SCFD2: variants seen among roughly 807,000 people sequenced by gnomAD.
The protein encoded by SCFD2 is sec1 family domain containing 2.
SCFD2 carries 54 observed loss-of-function variants against 58.9 expected under a neutral mutation model. The observed-to-expected ratio is 0.92, with a 90% confidence interval of 0.74 to 1.15. SCFD2 has a LOEUF of 1.15. Among genes scored for constraint, SCFD2 ranks in the 50% most tolerant of loss-of-function variants. SCFD2 has a pLI of 0.00. For missense variants in SCFD2, 805 were observed against 836.6 expected (o/e 0.96, Z 0.47); for synonymous variants, 321 against 335.9 (o/e 0.96, Z 0.49).
chr4:52,994,519 GC>G (rs1721695884), intron 5 of SCFD2, among the ~76,000 whole-genome samples: 1 of 152,124 alleles, frequency 6.6e-6, no homozygotes, highest in Non-Finnish European at 1.5e-5. Flanking sequence ...AGATCATCTG[GC>G]CCATTTGACA....
intron 4 of SCFD2, among the ~76,000 whole-genome samples, chr4:53,147,161 T>A (rs566067993): frequency 3.3e-5 from 5 of 152,238 alleles, no homozygotes; most frequent in African/African-American, 7.2e-5. Context: ...TCTAAAAAAA[T>A]TTTTTTTAAT....
chr4:53,174,092 G>A (rs1727258537), intron 4 of SCFD2, among the ~76,000 whole-genome samples: 1 of 151,864 alleles, frequency 6.6e-6, no homozygotes, highest in Admixed American at 6.6e-5. Context: ...CTCAAATACT[G>A]ACTTCAAATA....
intron 7 of SCFD2, among the ~76,000 whole-genome samples, chr4:52,887,896 CTTTTTTTTTTT>C (rs71195133): frequency 1.2e-5 from 1 of 81,646 alleles, no homozygotes; most frequent in Non-Finnish European, 2.2e-5. Context: ...ACATCTTATT[CTTTTTTTTTTT>C]TTTTTTTTTT....
intron 6 of SCFD2, 81 bp from the exon 7 acceptor site, chr4:52,907,672 C>G: frequency 1.5e-6 from 2 of 1,369,662 alleles, no homozygotes; most frequent in Admixed American, 1.7e-5. Context: ...ATGAAGAAAG[C>G]AAAGCAAGTT....
At chr4:53,255,787 G>A (rs1277887283) in intron 4 of SCFD2, among the ~76,000 whole-genome samples, 3 of 151,206 alleles carry the variant, frequency 2.0e-5, no homozygotes, top group Non-Finnish European at 3.0e-5. Context: ...CAGTAGGGGC[G>A]GCCGGGCAGA....
At chr4:52,896,103 T>G (rs1383732211) in intron 7 of SCFD2, among the ~76,000 whole-genome samples, 1 of 152,184 alleles carries the variant, frequency 6.6e-6, no homozygotes, top group Non-Finnish European at 1.5e-5. Flanking sequence ...TTTCTCCCAT[T>G]CTGTAGGTTG....
Position 53,359,322 on chromosome 4 carries a change from A to C in SCFD2, c.838+5782T>G, listed in dbSNP as rs866573789. Reference sequence around the variant, plus strand: ...AAAATATTTAGCATCTAATAACATAAATTAATATATAAATTAACGTCTAAA... The same window carrying C: ...AAAATATTTAGCATCTAATAACATACATTAATATATAAATTAACGTCTAAA... On this transcript the variant is annotated intron_variant, in intron 1 of 8. Coordinates refer to ENST00000401642, the MANE Select transcript of SCFD2 (RefSeq NM_152540.4). 2.5e-4 allele frequency among the ~76,000 whole-genome samples: 38 copies of C among 152,346 alleles called. 1 individual carries two copies. Among genetic ancestry groups the C allele is most frequent in the African/African-American group, 8.7e-4 (36 of 41,582 alleles).
intron 6 of SCFD2, among the ~76,000 whole-genome samples, chr4:52,907,809 C>T (rs1397104071): frequency 1.3e-5 from 2 of 151,902 alleles, no homozygotes; most frequent in Non-Finnish European, 2.9e-5. Flanking sequence ...CTTTAGCATG[C>T]TTTTCTGCTT....
intron 6 of SCFD2, among the ~76,000 whole-genome samples, chr4:52,911,857 G>C (rs1719494132): frequency 1.3e-5 from 2 of 152,154 alleles, no homozygotes; most frequent in Admixed American, 1.3e-4. Flanking sequence ...TTGCCAGCTA[G>C]GTCTGTTAGA....
At chr4:53,305,175 A>G (rs1251633711) in intron 3 of SCFD2, among the ~76,000 whole-genome samples, 1 of 152,112 alleles carries the variant, frequency 6.6e-6, no homozygotes, top group Non-Finnish European at 1.5e-5. Context: ...CATTATATAC[A>G]TATGTATTTT....
intron 4 of SCFD2, among the ~76,000 whole-genome samples, chr4:53,172,232 T>C (rs924908371): frequency 3.3e-5 from 5 of 152,040 alleles, no homozygotes; most frequent in Non-Finnish European, 5.9e-5. Context: ...CTCAATCTCC[T>C]GACCTTGTGA....
chr4:53,358,454 G>A lies in SCFD2; in HGVS notation c.839-5688C>T, dbSNP rs1734459634. ...TGTAATTCCAGCTACTTGGGAGGCT[G>A]AGGCACAAGAATCATTTGAACCTGG... On this transcript the variant is annotated intron_variant, in intron 1 of 8. Transcript: ENST00000401642. Among the ~76,000 whole-genome samples the A allele has an allele frequency of 2.0e-5, 3 of 151,958 alleles. No homozygotes were observed. In the South Asian group the frequency reaches 6.2e-4, roughly 32 times the overall value.
intron 2 of SCFD2, among the ~76,000 whole-genome samples, chr4:53,327,708 A>C (rs1733252688): frequency 6.6e-6 from 1 of 152,218 alleles, no homozygotes; most frequent in African/African-American, 2.4e-5. Flanking sequence ...CTACTGAGGG[A>C]TAAGAGGGTC....
chr4:53,252,421 C>T (rs373075978), intron 4 of SCFD2, among the ~76,000 whole-genome samples: 13 of 151,608 alleles, frequency 8.6e-5, no homozygotes, highest in Admixed American at 1.3e-4. Flanking sequence ...GAGCCCGCAT[C>T]GCCAAGTCAA....
rs557550424 is a variant in SCFD2, at chr4:53,071,014, A to G, written c.1561+74319T>C. 2.7e-4 allele frequency among the ~76,000 whole-genome samples: 41 copies of G among 152,262 alleles called. No homozygotes were observed. In the South Asian group the frequency reaches 5.8e-3, roughly 22 times the overall value. On this transcript the variant is annotated intron_variant, in intron 5 of 8. Transcript: ENST00000401642. ...AAGTTTTGGCCAATGAGATATAAGC[A>G]TAAGTGTCATATTCAACTTCTAAAG...
At chr4:53,024,828 C>T (rs1722432416) in intron 5 of SCFD2, among the ~76,000 whole-genome samples, 1 of 151,890 alleles carries the variant, frequency 6.6e-6, no homozygotes. Flanking sequence ...AATCATCACA[C>T]ATTGGCTCAG....
intron 5 of SCFD2, among the ~76,000 whole-genome samples, chr4:53,041,043 T>C (rs1378150147): frequency 6.6e-6 from 1 of 152,200 alleles, no homozygotes; most frequent in Non-Finnish European, 1.5e-5. Flanking sequence ...ACATATGCTA[T>C]GCATATTTTC....
intron 2 of SCFD2, among the ~76,000 whole-genome samples, chr4:53,323,173 T>C (rs1340051010): frequency 1.3e-5 from 2 of 152,228 alleles, no homozygotes; most frequent in Non-Finnish European, 2.9e-5. Flanking sequence ...TTTCTCTTCA[T>C]TGGTAAAAAC....
chr4:53,212,505 G>A (rs372016431), intron 4 of SCFD2, among the ~76,000 whole-genome samples: 2 of 149,946 alleles, frequency 1.3e-5, no homozygotes, highest in South Asian at 4.2e-4. Flanking sequence ...TAAATAATTT[G>A]CCCATGAACA....
Sources: gnomAD v4.1 joint callset for allele counts (sites outside exome capture counted in the v4.1 genomes callset) on GRCh38, gnomAD v4.1.1 for gene constraint, MANE v1.5 for transcripts, NCBI Gene and HGNC (gene_info 2026-07-23, HGNC 2026-07-21) for gene names.